EEF1AKMT1: variants seen among roughly 807,000 people sequenced by gnomAD.
EEF1AKMT1 encodes the protein N-6 adenine-specific DNA methyltransferase 2 (putative).
EEF1AKMT1 carries 18 observed loss-of-function variants against 21.0 expected under a neutral mutation model. The observed-to-expected ratio is 0.86, with a 90% CI of 0.59 to 1.27. The LOEUF (loss-of-function observed/expected upper bound fraction) is 1.27, where lower values mean the gene tolerates loss of function less well. EEF1AKMT1 is among the 50% of genes most tolerant of loss of function. The pLI, the probability that EEF1AKMT1 is intolerant of heterozygous loss-of-function variation, is 0.00. For missense variants in EEF1AKMT1, 246 were observed against 258.6 expected (o/e 0.95, Z 0.33); for synonymous variants, 109 against 94.8 (o/e 1.15, Z -0.87).
intron 1 of EEF1AKMT1, among the ~76,000 whole-genome samples, chr13:20,758,514 T>C (rs568693704): frequency 6.6e-6 from 1 of 152,288 alleles, no homozygotes; most frequent in African/African-American, 2.4e-5. Flanking sequence ...AATTATGGCA[T>C]ATAAATCAAG....
Position 20,729,218 on chromosome 13 carries a change from T to G in EEF1AKMT1, c.509-2A>C. 1.2e-6 allele frequency: 2 copies of G among 1,614,108 alleles called. No individual in the cohort carries two copies. The highest frequency in any genetic ancestry group is 1.7e-6 in the Non-Finnish European group (2 of 1,180,032). On this transcript the variant is annotated splice_acceptor_variant, in intron 4 of 4. Transcript: ENST00000382758. LOFTEE classifies it high-confidence loss of function. The stretch of plus-strand genomic sequence containing the variant: ...CTGCCTGTTCTTCCATGATGGCACC[T>G]GAAGAGAACAAAGCAAATGAATCCA...
At chr13:20,759,768 A>G (rs1024453210) in intron 1 of EEF1AKMT1, among the ~76,000 whole-genome samples, 6 of 152,188 alleles carry the variant, frequency 3.9e-5, no homozygotes, top group African/African-American at 1.4e-4. Flanking sequence ...TAAAATCACA[A>G]TGAGATGCCA....
At chr13:20,742,212 C>G (rs2058875468) in intron 2 of EEF1AKMT1, among the ~76,000 whole-genome samples, 1 of 152,088 alleles carries the variant, frequency 6.6e-6, no homozygotes. Context: ...ATTTGCATTT[C>G]CCTGTTGTAC....
intron 1 of EEF1AKMT1, among the ~76,000 whole-genome samples, chr13:20,760,579 C>T (rs774471782): frequency 6.6e-6 from 1 of 152,064 alleles, no homozygotes; most frequent in Non-Finnish European, 1.5e-5. Context: ...AAAAAAACTA[C>T]CCTATCAGAT....
intron 1 of EEF1AKMT1, among the ~76,000 whole-genome samples, chr13:20,769,901 G>A (rs1419569576): frequency 6.6e-6 from 1 of 151,956 alleles, no homozygotes; most frequent in Non-Finnish European, 1.5e-5. Context: ...ACTAAAGAAA[G>A]GTGTAGAGAA....
chr13:20,745,435 C>T (rs1418092056), intron 2 of EEF1AKMT1, among the ~76,000 whole-genome samples: 3 of 152,134 alleles, frequency 2.0e-5, no homozygotes, highest in Non-Finnish European at 4.4e-5. Flanking sequence ...ATTTTCTTCT[C>T]TTTGTAGCAA....
intron 2 of EEF1AKMT1, among the ~76,000 whole-genome samples, chr13:20,742,583 T>C (rs2058877932): frequency 6.6e-6 from 1 of 152,214 alleles, no homozygotes; most frequent in Non-Finnish European, 1.5e-5. Context: ...CTTTCCCAGG[T>C]AACATGAGTG....
At chr13:20,746,232 A>C (rs902245492) in intron 2 of EEF1AKMT1, among the ~76,000 whole-genome samples, 14 of 151,938 alleles carry the variant, frequency 9.2e-5, no homozygotes, top group African/African-American at 3.4e-4. Flanking sequence ...GGCTCACTGC[A>C]GCCTCCACTT....
At chr13:20,730,739 A>AAAATGGACCAATCAGCACTCTCTGT (rs1566525803) in intron 4 of EEF1AKMT1, among the ~76,000 whole-genome samples, 2 of 151,792 alleles carry the variant, frequency 1.3e-5, no homozygotes, top group African/African-American at 4.8e-5. Flanking sequence ...GCACTCTCTG[A>AAAATGGACCAATCAGCACTCTCTGT]AAAATGGACC....
chr13:20,772,703 A>C (rs1037721491), intron 1 of EEF1AKMT1, among the ~76,000 whole-genome samples: 1 of 152,222 alleles, frequency 6.6e-6, no homozygotes, highest in African/African-American at 2.4e-5. Flanking sequence ...TGAAGAGTGA[A>C]GACTTCAGAA....
intron 2 of EEF1AKMT1, among the ~76,000 whole-genome samples, chr13:20,740,774 GC>G (rs1440328940): frequency 2.0e-4 from 31 of 152,328 alleles, no homozygotes; most frequent in African/African-American, 6.7e-4. Flanking sequence ...TTGCACTCCA[GC>G]CTGGGCGACA....
intron 2 of EEF1AKMT1, among the ~76,000 whole-genome samples, chr13:20,744,154 A>G (rs968699402): frequency 2.0e-5 from 3 of 152,198 alleles, no homozygotes; most frequent in Non-Finnish European, 2.9e-5. Flanking sequence ...TGCAATAAAC[A>G]TATGTGTGCA....
In EEF1AKMT1 at chr13:20,731,886, C is replaced by A; in HGVS notation, c.463G>T (p.Glu155Ter). The change falls in exon 4 of 5, where the codon GAA becomes TAA. Residue 155 changes from glutamate (E) to a stop codon, truncating the protein, a stop_gained. Transcript: ENST00000382758. LOFTEE classifies it high-confidence loss of function. ...LSEECLRKTS[E>*]TVKYLTRGKI... ...CCCCGCGTCAGGTACTTGACGGTTTCCGATGTTTTTCTGAGACATTCCTCC... is the reference window on the plus strand; with the variant it reads ...CCCCGCGTCAGGTACTTGACGGTTTACGATGTTTTTCTGAGACATTCCTCC... 1.9e-6 allele frequency: 3 copies of A among 1,614,176 alleles called. No individual in the cohort carries two copies. Among genetic ancestry groups the A allele is most frequent in the Non-Finnish European group, 2.5e-6 (3 of 1,180,032 alleles).
chr13:20,751,538 C>A (rs1443063208), intron 2 of EEF1AKMT1, among the ~76,000 whole-genome samples: 1 of 152,140 alleles, frequency 6.6e-6, no homozygotes, highest in Admixed American at 6.5e-5. Flanking sequence ...AATACCGATA[C>A]CATGCTGTTT....
At chr13:20,747,027 T>C (rs2058909175) in intron 2 of EEF1AKMT1, 1 of 153,796 alleles carries the variant, frequency 6.5e-6, no homozygotes, top group African/African-American at 2.4e-5. Flanking sequence ...ATTTGTTACC[T>C]ACATAATAAA....
chr13:20,754,750 A>C (rs927962772), intron 2 of EEF1AKMT1, among the ~76,000 whole-genome samples: 1 of 151,214 alleles, frequency 6.6e-6, no homozygotes, highest in Non-Finnish European at 1.5e-5. Flanking sequence ...ACAAAAAAAA[A>C]AAAAAAAAAA....
chr13:20,733,919 C>T (rs73435278), intron 3 of EEF1AKMT1, among the ~76,000 whole-genome samples: 9 of 152,342 alleles, frequency 5.9e-5, no homozygotes, highest in African/African-American at 1.7e-4. Context: ...GTACCCATGC[C>T]GGGCTAAGCA....
intron 1 of EEF1AKMT1, among the ~76,000 whole-genome samples, chr13:20,759,946 T>C (rs1566537309): frequency 1.3e-5 from 2 of 150,856 alleles, no homozygotes; most frequent in African/African-American, 2.4e-5. Flanking sequence ...CTACTAAACA[T>C]ACAAAAAAAT....
chr13:20,739,334 G>C (rs147455207), intron 2 of EEF1AKMT1, among the ~76,000 whole-genome samples: 3 of 152,164 alleles, frequency 2.0e-5, no homozygotes, highest in South Asian at 2.1e-4. Flanking sequence ...CAGCATGGAA[G>C]GCAACCCAAG....
Sources: allele counts gnomAD v4.1 joint callset (sites outside exome capture counted in the v4.1 genomes callset), GRCh38; gene constraint gnomAD v4.1.1; transcripts MANE v1.5; gene names NCBI Gene and HGNC (gene_info 2026-07-23, HGNC 2026-07-21).